The following SH3RF1 variants were observed in gnomAD, a reference collection of about 807,000 sequenced individuals.
SH3RF1 encodes the protein E3 ubiquitin-protein ligase SH3RF1.
A neutral mutation model predicts 74.0 loss-of-function variants in SH3RF1; 32 were observed. That is an observed-to-expected ratio of 0.43 (90% confidence interval 0.33 to 0.58). SH3RF1 has a LOEUF of 0.58. Among genes scored for constraint, SH3RF1 ranks in the 20% least tolerant of loss-of-function variants. SH3RF1 has a pLI of 0.05. For missense variants in SH3RF1, 954 were observed against 1,130.9 expected, an observed-to-expected ratio of 0.84 and a Z score of 2.24; for synonymous variants, 396 against 439.6, an observed-to-expected ratio of 0.90 and a Z score of 1.24.
At chr4:169,262,863 C>T (rs1167756065) in intron 2 of SH3RF1, among the ~76,000 whole-genome samples, 1 of 152,120 alleles carries the variant, frequency 6.6e-6, no homozygotes, top group Non-Finnish European at 1.5e-5. Flanking sequence ...ATCTCCGAGT[C>T]TCACCATCAA....
intron 2 of SH3RF1, among the ~76,000 whole-genome samples, chr4:169,192,235 A>G (rs1734730769): frequency 6.6e-6 from 1 of 152,242 alleles, no homozygotes; most frequent in South Asian, 2.1e-4. Flanking sequence ...GGCTCAGGAC[A>G]TGAATAGACA....
At chr4:169,213,033 C>A (rs138722723) in intron 2 of SH3RF1, among the ~76,000 whole-genome samples, 1 of 152,110 alleles carries the variant, frequency 6.6e-6, no homozygotes, top group African/African-American at 2.4e-5. Flanking sequence ...CATAAGTTTT[C>A]GACTAACTTA....
chr4:169,130,084 T>G lies in SH3RF1; in HGVS notation c.1141A>C (p.Thr381Pro). 6.2e-7 allele frequency: 1 copy of G among 1,613,396 alleles called. No individual in the cohort carries two copies. Among genetic ancestry groups the G allele is most frequent in the South Asian group, 1.1e-5 (1 of 90,996 alleles). The change falls in exon 6 of 12, where the codon ACT (threonine) becomes CCT (proline). Residue 381 changes from threonine (T) to proline (P), a missense_variant. This residue lies in a region of SH3RF1 where 854 missense variants were observed against 962.5 expected (regional missense o/e 0.89). Coordinates refer to ENST00000284637, the MANE Select transcript of SH3RF1 (RefSeq NM_020870.4). ...SSPVTTGPSF[T>P]FPSDVPYQAA... is the part of the protein sequence containing the mutation. ...TGGTAGGGAACATCTGATGGGAAAG[T>G]AAACGAGGGGCCAGTTGTCACTGGG... is the stretch of plus-strand genomic sequence containing the variant.
chr4:169,233,790 C>T (rs550912857), intron 2 of SH3RF1, among the ~76,000 whole-genome samples: 1 of 152,332 alleles, frequency 6.6e-6, no homozygotes, highest in East Asian at 1.9e-4. Flanking sequence ...CTTGTCAGCT[C>T]TGCCCTTACA....
chr4:169,194,309 C>CAA (rs1292729393), intron 2 of SH3RF1, among the ~76,000 whole-genome samples: 1 of 152,188 alleles, frequency 6.6e-6, no homozygotes, highest in African/African-American at 2.4e-5. Context: ...GGACAAGACA[C>CAA]AGAGTTTGCC....
chr4:169,264,412 A>G (rs548916488), intron 2 of SH3RF1, among the ~76,000 whole-genome samples: 1 of 152,280 alleles, frequency 6.6e-6, no homozygotes, highest in East Asian at 1.9e-4. Flanking sequence ...ATATGGCCAC[A>G]TTGTGAGGTA....
intron 2 of SH3RF1, among the ~76,000 whole-genome samples, chr4:169,207,519 A>G (rs1023510402): frequency 6.6e-6 from 1 of 152,240 alleles, no homozygotes; most frequent in African/African-American, 2.4e-5. Context: ...AAAACAAGTC[A>G]TATACCAAAA....
intron 2 of SH3RF1, among the ~76,000 whole-genome samples, chr4:169,254,352 A>T (rs1579164999): frequency 1.3e-5 from 2 of 152,228 alleles, no homozygotes; most frequent in Non-Finnish European, 2.9e-5. Context: ...ACTAAAGCAC[A>T]ATTAATTAGA....
At chr4:169,233,229 A>C (rs1730771282) in intron 2 of SH3RF1, among the ~76,000 whole-genome samples, 1 of 146,424 alleles carries the variant, frequency 6.8e-6, no homozygotes, top group Non-Finnish European at 1.5e-5. Flanking sequence ...AGCCTGGGCA[A>C]CAGAGCAAGA....
chr4:169,138,141 A>G (rs1433364538), intron 4 of SH3RF1, among the ~76,000 whole-genome samples: 1 of 152,216 alleles, frequency 6.6e-6, no homozygotes, highest in East Asian at 1.9e-4. Flanking sequence ...GCAATTGGCC[A>G]GGAGATCCAG....
chr4:169,246,483 A>G (rs1214890632), intron 2 of SH3RF1, among the ~76,000 whole-genome samples: 1 of 152,238 alleles, frequency 6.6e-6, no homozygotes, highest in African/African-American at 2.4e-5. Context: ...GGTCATGCTT[A>G]ATGGCCAAAA....
At chr4:169,220,178 T>C (rs1019801119) in intron 2 of SH3RF1, 2 of 152,264 alleles carry the variant, frequency 1.3e-5, no homozygotes, top group Non-Finnish European at 1.5e-5. Flanking sequence ...AGTTTTGTTA[T>C]AAAATGTGCA....
At chr4:169,218,261 TA>T (rs1171531018) in intron 2 of SH3RF1, among the ~76,000 whole-genome samples, 1 of 142,434 alleles carries the variant, frequency 7.0e-6, no homozygotes, top group Non-Finnish European at 1.5e-5. Flanking sequence ...TGTTTATATA[TA>T]ATATAGAATA....
At chr4:169,202,529 C>T (rs531066714) in intron 2 of SH3RF1, among the ~76,000 whole-genome samples, 2 of 152,174 alleles carry the variant, frequency 1.3e-5, no homozygotes, top group Non-Finnish European at 2.9e-5. Flanking sequence ...TGAATAAAAA[C>T]CTTCAGCTTA....
intron 11 of SH3RF1, 31 bp downstream of exon 11, chr4:169,106,816 T>C: frequency 6.7e-7 from 1 of 1,487,510 alleles, no homozygotes; most frequent in Non-Finnish European, 9.1e-7. Context: ...GTTCATTTTT[T>C]AGTTTTTTCC....
intron 2 of SH3RF1, among the ~76,000 whole-genome samples, chr4:169,216,579 C>T (rs1385498457): frequency 1.3e-5 from 2 of 152,126 alleles, no homozygotes; most frequent in Non-Finnish European, 2.9e-5. Context: ...GGTTGCTCAC[C>T]TCTATAGTCC....
At chr4:169,213,441 A>T (rs1428589775) in intron 2 of SH3RF1, among the ~76,000 whole-genome samples, 3 of 152,244 alleles carry the variant, frequency 2.0e-5, no homozygotes, top group Non-Finnish European at 2.9e-5. Flanking sequence ...TTTATCAGAT[A>T]TATCTTTCAC....
intron 2 of SH3RF1, among the ~76,000 whole-genome samples, chr4:169,237,204 A>G (rs892868060): frequency 1.3e-5 from 2 of 152,232 alleles, no homozygotes; most frequent in Non-Finnish European, 2.9e-5. Context: ...GAGTGATGTG[A>G]TGTAGGAAAT....
intron 11 of SH3RF1, among the ~76,000 whole-genome samples, chr4:169,106,370 G>T (rs565603408): frequency 6.6e-6 from 1 of 151,956 alleles, no homozygotes; most frequent in South Asian, 2.1e-4. Flanking sequence ...TTTTCAGTGT[G>T]GCCCAAGACA....
Sources: gnomAD v4.1 joint callset for allele counts (sites outside exome capture counted in the v4.1 genomes callset) on GRCh38, gnomAD v4.1.1 for gene constraint, gnomAD v4.1.1 regional missense constraint, MANE v1.5 for transcripts, NCBI Gene and HGNC (gene_info 2026-07-23, HGNC 2026-07-21) for gene names.